The following ANGPT1 variants were observed in gnomAD, a reference collection of about 807,000 sequenced individuals.
ANGPT1 encodes angiopoietin 1.
A neutral mutation model predicts 62.2 loss-of-function variants in ANGPT1; 17 were observed. That is an observed-to-expected ratio of 0.27 (90% CI 0.19 to 0.41). The LOEUF (loss-of-function observed/expected upper bound fraction) is 0.41. Ranked by LOEUF, ANGPT1 falls within the 10% of genes least tolerant of loss-of-function variation. The pLI, the probability that ANGPT1 is intolerant of heterozygous loss-of-function variation, is 1.00. For synonymous variants in ANGPT1, 199 were observed against 198.9 expected (o/e 1.00, Z 0.00); for missense variants, 478 against 594.9 (o/e 0.80, Z 2.04).
chr8:107,404,771 A>T (rs72672594), intron 1 of ANGPT1, among the ~76,000 whole-genome samples: 2 of 152,036 alleles, frequency 1.3e-5, no homozygotes, highest in Non-Finnish European at 2.9e-5. Context: ...ATAATGACAC[A>T]CTGCTCTCCA....
chr8:107,473,397 C>T (rs766369525), intron 1 of ANGPT1, among the ~76,000 whole-genome samples: 29 of 151,900 alleles, frequency 1.9e-4, no homozygotes, highest in Non-Finnish European at 3.7e-4. Flanking sequence ...TTACAGAATT[C>T]ACATGCCTGC....
At chr8:107,377,347 G>A (rs1015978243) in intron 1 of ANGPT1, among the ~76,000 whole-genome samples, 9 of 152,112 alleles carry the variant, frequency 5.9e-5, no homozygotes, top group African/African-American at 1.7e-4. Flanking sequence ...CAGATGCCTC[G>A]TGACATTGGC....
chr8:107,394,627 C>T (rs1302117216), intron 1 of ANGPT1, among the ~76,000 whole-genome samples: 1 of 152,150 alleles, frequency 6.6e-6, no homozygotes, highest in Non-Finnish European at 1.5e-5. Flanking sequence ...CTGGAGGTAA[C>T]ATGATAGGAG....
rs145609791 is a variant in ANGPT1 at position 107,486,336 on chromosome 8, G to A, written c.297+10926C>T. Among the ~76,000 whole-genome samples, 1,021 of 152,216 alleles carry A rather than the reference G, an allele frequency of 6.7e-3. 7 individuals carry two copies. Among genetic ancestry groups the A allele is most frequent in the African/African-American group, 0.023 (945 of 41,536 alleles). ...GCTGGCCCATAAATTTAACTACTGC[G>A]TAATCCTGGGCAAGTTACTTCCACT... On this transcript the variant is annotated intron_variant, in intron 1 of 8. Coordinates refer to ENST00000517746, the MANE Select transcript of ANGPT1 (RefSeq NM_001146.5).
intron 1 of ANGPT1, among the ~76,000 whole-genome samples, chr8:107,492,018 C>A (rs1812971070): frequency 6.6e-6 from 1 of 152,110 alleles, no homozygotes; most frequent in Non-Finnish European, 1.5e-5. Flanking sequence ...GCTGTTATAA[C>A]ACTAACTGCC....
intron 4 of ANGPT1, among the ~76,000 whole-genome samples, chr8:107,304,380 C>A (rs1478889534): frequency 1.3e-5 from 2 of 151,492 alleles, no homozygotes; most frequent in Non-Finnish European, 3.0e-5. Context: ...TTTTATTTAA[C>A]CTTTTTCTAG....
At chr8:107,407,472 A>G (rs547575168) in intron 1 of ANGPT1, among the ~76,000 whole-genome samples, 158 of 152,300 alleles carry the variant, frequency 1.0e-3, no homozygotes, top group South Asian at 2.7e-3. Flanking sequence ...GCCTGTTTTC[A>G]AAAGAATGGG....
intron 8 of ANGPT1, among the ~76,000 whole-genome samples, chr8:107,257,887 G>GTTTTT (rs774474320): frequency 1.8e-5 from 2 of 110,946 alleles, no homozygotes; most frequent in African/African-American, 6.6e-5. Flanking sequence ...TTTCTTTTTT[G>GTTTTT]TTTGTTTGTT....
Position 107,423,921 on chromosome 8 carries a change from A to T in ANGPT1, c.297+73341T>A, listed in dbSNP as rs570097775. Among the ~76,000 whole-genome samples the T allele has an allele frequency of 2.6e-3, 338 of 129,036 alleles. 1 individual carries two copies. Among genetic ancestry groups the T allele is most frequent in the Middle Eastern group, 6.3e-3 (1 of 158 alleles). The allele number at this position is 129,036 out of a possible 152,430, so 84.7% of individuals were successfully genotyped here. A position where few individuals can be genotyped will look rare whatever the true frequency, so the allele number is the denominator to read the frequency against. On this transcript the variant is annotated intron_variant, in intron 1 of 8. Coordinates refer to ENST00000517746, the MANE Select transcript of ANGPT1 (RefSeq NM_001146.5). The stretch of plus-strand genomic sequence containing the variant: ...AGTGGCACAATGTTGGCTCACTGAA[A>T]TCTTTGCCTCCTGGGTTCAAGCAAT...
At chr8:107,452,054 G>C (rs1391932559) in intron 1 of ANGPT1, among the ~76,000 whole-genome samples, 2 of 151,652 alleles carry the variant, frequency 1.3e-5, no homozygotes, top group Non-Finnish European at 2.9e-5. Context: ...GTGTATGTGT[G>C]TGTCTTAGCC....
At chr8:107,281,970 G>T (rs962261556) in intron 7 of ANGPT1, among the ~76,000 whole-genome samples, 40 of 151,724 alleles carry the variant, frequency 2.6e-4, no homozygotes, top group African/African-American at 9.7e-4. Context: ...AGGCAGTGAT[G>T]GACAATGTGA....
In ANGPT1 at chr8:107,457,825, T is replaced by TACACACACAC. The variant is rs148742634; in HGVS notation, c.297+39427_297+39436dup. On this transcript the variant is annotated intron_variant, in intron 1 of 8. Coordinates refer to ENST00000517746, the MANE Select transcript of ANGPT1 (RefSeq NM_001146.5). ...TCACACTCACCCCACACATACCCAC[T>TACACACACAC]ACACACACACACACACACACACACA... Among the ~76,000 whole-genome samples the TACACACACAC allele has an allele frequency of 2.9e-3, 239 of 81,734 alleles. 1 individual carries two copies. Among genetic ancestry groups the TACACACACAC allele is most frequent in the African/African-American group, 9.0e-3 (212 of 23,636 alleles). The allele number at this position is 81,734 out of a possible 152,430, so 53.6% of individuals were successfully genotyped here. A position where few individuals can be genotyped will look rare whatever the true frequency, so the allele number is the denominator to read the frequency against.
At chr8:107,254,031 A>G (rs1473573177) in intron 8 of ANGPT1, among the ~76,000 whole-genome samples, 1 of 152,150 alleles carries the variant, frequency 6.6e-6, no homozygotes, top group Non-Finnish European at 1.5e-5. Flanking sequence ...TCATCATCCT[A>G]AAAACAATGG....
At chr8:107,252,774 A>G (rs1813275276) in intron 8 of ANGPT1, among the ~76,000 whole-genome samples, 2 of 152,216 alleles carry the variant, frequency 1.3e-5, no homozygotes, top group Non-Finnish European at 2.9e-5. Flanking sequence ...ATAACTGGAT[A>G]AGTCAGTTTT....
intron 1 of ANGPT1, among the ~76,000 whole-genome samples, chr8:107,429,484 C>A (rs748884704): frequency 4.6e-5 from 7 of 152,034 alleles, no homozygotes; most frequent in Non-Finnish European, 1.0e-4. Flanking sequence ...TGACACTGAG[C>A]GGGACACTCC....
At chr8:107,435,540 A>G (rs1001696585) in intron 1 of ANGPT1, among the ~76,000 whole-genome samples, 1 of 152,214 alleles carries the variant, frequency 6.6e-6, no homozygotes, top group African/African-American at 2.4e-5. Flanking sequence ...TTGGCTGAGA[A>G]ACCACATCTA....
In ANGPT1 at chr8:107,497,607, T is replaced by C; in HGVS notation, c.-49A>G. On this transcript the variant is annotated 5_prime_UTR_variant, in exon 1 of 9. Coordinates refer to ENST00000517746, the MANE Select transcript of ANGPT1 (RefSeq NM_001146.5). ...GTGCCTCTCGCAAAACTTGCTCCTT[T>C]CTTCTGACCTCTAAAACTAGTTCTT... is the stretch of plus-strand genomic sequence containing the variant. The C allele has an allele frequency of 6.4e-7, 1 of 1,553,768 alleles. No individual in the cohort carries two copies. The highest frequency in any genetic ancestry group is 8.7e-7 in the Non-Finnish European group (1 of 1,145,118).
At chr8:107,307,762 G>T (rs528821650) in intron 4 of ANGPT1, among the ~76,000 whole-genome samples, 1 of 151,948 alleles carries the variant, frequency 6.6e-6, no homozygotes, top group South Asian at 2.1e-4. Context: ...GCTTCCAACT[G>T]CGGCACAAAA....
At chr8:107,445,677 A>T (rs1341402228) in intron 1 of ANGPT1, among the ~76,000 whole-genome samples, 1 of 152,152 alleles carries the variant, frequency 6.6e-6, no homozygotes, top group African/African-American at 2.4e-5. Context: ...GGAAGGAGAA[A>T]TCAAACATAA....
Sources: gnomAD v4.1 joint callset for allele counts (sites outside exome capture counted in the v4.1 genomes callset) on GRCh38, gnomAD v4.1.1 for gene constraint, MANE v1.5 for transcripts, NCBI Gene and HGNC (gene_info 2026-07-23, HGNC 2026-07-21) for gene names.